The following DIAPH3 variants were observed in gnomAD, a reference collection of about 807,000 sequenced individuals.
DIAPH3 encodes diaphanous related formin 3, also known as protein diaphanous homolog 3.
In DIAPH3, 117 loss-of-function variants were observed where a neutral mutation model predicts 144.3. The ratio of observed to expected loss-of-function variants is 0.81; its 90% CI spans 0.70 to 0.95. The LOEUF is 0.95. Ranked by LOEUF, DIAPH3 falls within the 40% of genes least tolerant of loss-of-function variation. The probability of loss-of-function intolerance (pLI) is 0.00; values close to 1 mark genes in which losing one functional copy is unlikely to be tolerated. For missense variants in DIAPH3, 1,421 were observed against 1,412.7 expected, an observed-to-expected ratio of 1.01 and a Z score of -0.09; for synonymous variants, 519 against 488.9, an observed-to-expected ratio of 1.06 and a Z score of -0.81.
At chr13:60,118,415 T>C (rs940969508) in intron 2 of DIAPH3, among the ~76,000 whole-genome samples, 6 of 152,138 alleles carry the variant, frequency 3.9e-5, no homozygotes, top group Non-Finnish European at 8.8e-5. Flanking sequence ...CTACATATGA[T>C]CATAAACATA....
At chr13:59,764,363 G>A (rs1184218173) in intron 27 of DIAPH3, among the ~76,000 whole-genome samples, 2 of 151,496 alleles carry the variant, frequency 1.3e-5, no homozygotes. Context: ...TCAGCTCTAT[G>A]GCTCACTAGT....
chr13:59,753,242 A>G (rs2037101507), intron 27 of DIAPH3, among the ~76,000 whole-genome samples: 1 of 152,240 alleles, frequency 6.6e-6, no homozygotes, highest in Non-Finnish European at 1.5e-5. Flanking sequence ...GGCAAATATT[A>G]GAAAACTTTT....
chr13:59,834,449 T>TA (rs1247529639), intron 23 of DIAPH3, among the ~76,000 whole-genome samples: 2 of 292 alleles, frequency 6.8e-3, no homozygotes, highest in Non-Finnish European at 0.012. Flanking sequence ...TTTTTATATC[T>TA]AAAATTTTTT....
intron 27 of DIAPH3, among the ~76,000 whole-genome samples, chr13:59,727,180 C>T (rs901100542): frequency 1.3e-5 from 2 of 152,114 alleles, no homozygotes; most frequent in African/African-American, 4.8e-5. Context: ...TTTACTCTCC[C>T]CTGACAACAG....
chr13:60,158,669 T>C (rs1952138566), intron 1 of DIAPH3, among the ~76,000 whole-genome samples: 1 of 152,026 alleles, frequency 6.6e-6, no homozygotes, highest in Non-Finnish European at 1.5e-5. Flanking sequence ...TTCCACAATC[T>C]GGACTGGCTG....
At chr13:59,874,150 T>C (rs2044460310) in intron 21 of DIAPH3, among the ~76,000 whole-genome samples, 1 of 152,212 alleles carries the variant, frequency 6.6e-6, no homozygotes. Context: ...AAGTTGAGTA[T>C]GAAAATCACC....
intron 27 of DIAPH3, among the ~76,000 whole-genome samples, chr13:59,735,633 T>C (rs2139009619): frequency 6.6e-6 from 1 of 152,266 alleles, no homozygotes; most frequent in Non-Finnish European, 1.5e-5. Flanking sequence ...ACTGATGCTT[T>C]ACAGACATGA....
intron 3 of DIAPH3, among the ~76,000 whole-genome samples, chr13:60,097,410 C>T (rs1041115888): frequency 6.6e-6 from 1 of 152,078 alleles, no homozygotes; most frequent in African/African-American, 2.4e-5. Context: ...TCCCCACCAC[C>T]TTCTCCCTTG....
chr13:59,677,670 G>A (rs2032718782), intron 27 of DIAPH3, among the ~76,000 whole-genome samples: 1 of 152,066 alleles, frequency 6.6e-6, no homozygotes, highest in Non-Finnish European at 1.5e-5. Flanking sequence ...CTAGAACCTG[G>A]AGTTTTTCAC....
At chr13:59,940,706 A>C (rs2048485054) in intron 17 of DIAPH3, among the ~76,000 whole-genome samples, 1 of 152,220 alleles carries the variant, frequency 6.6e-6, no homozygotes, top group East Asian at 1.9e-4. Flanking sequence ...TAATTAAAAA[A>C]AATCTCCAAT....
intron 22 of DIAPH3, among the ~76,000 whole-genome samples, chr13:59,853,373 T>A (rs2043088195): frequency 6.6e-6 from 1 of 152,170 alleles, no homozygotes; most frequent in Admixed American, 6.6e-5. Flanking sequence ...TGAATTGTGA[T>A]CCCCAGTGTT....
chr13:59,859,040 T>C (rs1238263008), intron 22 of DIAPH3, among the ~76,000 whole-genome samples: 2 of 152,190 alleles, frequency 1.3e-5, no homozygotes, highest in Non-Finnish European at 2.9e-5. Context: ...AATGATGATA[T>C]ATAACACGTG....
intron 1 of DIAPH3, among the ~76,000 whole-genome samples, chr13:60,138,717 T>C (rs1040173964): frequency 1.4e-5 from 2 of 143,598 alleles, no homozygotes; most frequent in African/African-American, 5.1e-5. Context: ...TACCATTTGC[T>C]TGACAAAATG....
chr13:59,970,824 A>T, intron 16 of DIAPH3, 28 bp downstream of exon 16: 1 of 1,591,692 alleles, frequency 6.3e-7, no homozygotes, highest in Admixed American at 1.7e-5. Context: ...TCTAAGTAAA[A>T]GTATTTTCCT....
At chr13:60,082,375 A>T (rs901843495) in intron 4 of DIAPH3, among the ~76,000 whole-genome samples, 1 of 151,698 alleles carries the variant, frequency 6.6e-6, no homozygotes, top group Admixed American at 6.6e-5. Flanking sequence ...CAAAGCAAAA[A>T]ATTAGAACAC....
At chr13:60,142,760 T>A (rs2059452888) in intron 1 of DIAPH3, among the ~76,000 whole-genome samples, 2 of 152,104 alleles carry the variant, frequency 1.3e-5, no homozygotes, top group African/African-American at 2.4e-5. Context: ...TTTTTTATTT[T>A]TTATTATTTT....
intron 7 of DIAPH3, chr13:60,013,390 C>G (rs955141646): frequency 5.3e-6 from 1 of 189,086 alleles, no homozygotes; most frequent in South Asian, 1.8e-4. Flanking sequence ...ATCCCAGTAG[C>G]AGAAATAATG....
intron 5 of DIAPH3, among the ~76,000 whole-genome samples, chr13:60,032,149 C>G (rs531400): frequency 0.93 from 141,976 of 152,222 alleles, 66,524 homozygotes; most frequent in African/African-American, 0.99. Context: ...GGCTTTGCAG[C>G]GTGCACCACC....
chr13:59,965,111 T>C (rs1462515165), intron 17 of DIAPH3, among the ~76,000 whole-genome samples: 1 of 152,194 alleles, frequency 6.6e-6, no homozygotes, highest in Non-Finnish European at 1.5e-5. Flanking sequence ...GCTGGGATAA[T>C]CCACGTTTAT....
Sources: gnomAD v4.1 joint callset for allele counts (sites outside exome capture counted in the v4.1 genomes callset) on GRCh38, gnomAD v4.1.1 for gene constraint, MANE v1.5 for transcripts, NCBI Gene and HGNC (gene_info 2026-07-23, HGNC 2026-07-21) for gene names.